Variants in GSN observed in about 807,000 individuals in gnomAD.
GSN encodes the protein gelsolin.
In GSN, 56 loss-of-function variants were observed where a neutral mutation model predicts 85.7. That is an observed-to-expected ratio of 0.65 (90% confidence interval 0.53 to 0.82). GSN has a LOEUF of 0.82. GSN is among the 40% of genes least tolerant of loss of function. The pLI, the probability that GSN is intolerant of heterozygous loss-of-function variation, is 0.00. For missense variants in GSN, 857 were observed against 979.8 expected, an observed-to-expected ratio of 0.87 and a Z score of 1.67; for synonymous variants, 373 against 399.1, an observed-to-expected ratio of 0.93 and a Z score of 0.78.
At chr9:121,286,112 G>A in intron 2 of GSN, 1 of 1,535,498 alleles carries the variant, frequency 6.5e-7, no homozygotes, top group Non-Finnish European at 8.7e-7. Flanking sequence ...CCTGTGTCAG[G>A]AGAGGCCCAC....
At chr9:121,256,391 A>T (rs2054960087) in intron 6 of GSN, among the ~76,000 whole-genome samples, 1 of 152,202 alleles carries the variant, frequency 6.6e-6, no homozygotes. Context: ...CATGGGTGGA[A>T]CTGAAAGTCA....
At position 121,329,026 on chromosome 9, in the gene GSN, G is replaced by A. The variant is rs147527479; in HGVS notation, c.1887+11G>A. The A allele has an allele frequency of 2.2e-5, 36 of 1,613,290 alleles. No individual in the cohort carries two copies. In the African/African-American group the frequency reaches 3.3e-4, roughly 15 times the overall value. ...ATTGGACGTTTTGTGGTGAGCCCCTGCGGAGGTCACACCTCTGCTTTCCCC... is the reference window on the plus strand; with the variant it reads ...ATTGGACGTTTTGTGGTGAGCCCCTACGGAGGTCACACCTCTGCTTTCCCC... On this transcript the variant is annotated intron_variant, in intron 15 of 17. Transcript: ENST00000432226. The surrounding 1 kb of genome is among the most constrained non-coding windows in gnomAD (Gnocchi z 4.6).
intron 2 of GSN, chr9:121,283,888 A>C (rs2057735257): frequency 6.0e-6 from 1 of 167,162 alleles, no homozygotes; most frequent in South Asian, 2.1e-4. Flanking sequence ...GGGAGTGGTG[A>C]GGTCTTATCT....
chr9:121,213,895 A>G (rs2054010509), intron 4 of GSN, among the ~76,000 whole-genome samples: 1 of 152,232 alleles, frequency 6.6e-6, no homozygotes, highest in Non-Finnish European at 1.5e-5. Context: ...GAATGAAAAG[A>G]TTAAAAGCCC....
chr9:121,315,950 G>T (rs776543490), intron 7 of GSN, among the ~76,000 whole-genome samples: 2 of 152,082 alleles, frequency 1.3e-5, no homozygotes, highest in Non-Finnish European at 2.9e-5. Flanking sequence ...GGATTAAAGG[G>T]GTTCTATAAT....
At chr9:121,276,318 C>T (rs901431226) in intron 1 of GSN, among the ~76,000 whole-genome samples, 3 of 152,220 alleles carry the variant, frequency 2.0e-5, no homozygotes, top group Non-Finnish European at 4.4e-5. Flanking sequence ...GAAGCCCTAG[C>T]CCCTCTCAAG....
At chr9:121,236,719 A>G (rs1029236779) in intron 5 of GSN, among the ~76,000 whole-genome samples, 1 of 152,224 alleles carries the variant, frequency 6.6e-6, no homozygotes, top group African/African-American at 2.4e-5. Context: ...ACTGCATAGA[A>G]GACAGCTCAG....
At chr9:121,313,608 A>T in intron 6 of GSN, 1 of 397,762 alleles carries the variant, frequency 2.5e-6, no homozygotes. Context: ...ATGCAGTGAC[A>T]TCTTTTAAAG....
intron 6 of GSN, among the ~76,000 whole-genome samples, chr9:121,249,922 A>G (rs1288352000): frequency 6.6e-6 from 1 of 152,186 alleles, no homozygotes; most frequent in Non-Finnish European, 1.5e-5. Flanking sequence ...AGAAGTAAAA[A>G]AGCTGGTTTT....
chr9:121,216,798 G>C (rs1438806856), intron 4 of GSN, among the ~76,000 whole-genome samples: 2 of 152,220 alleles, frequency 1.3e-5, no homozygotes, highest in African/African-American at 4.8e-5. Context: ...GTAACAAATA[G>C]TACAGGCTCA....
Position 121,317,134 on chromosome 9 carries a change from A to T in GSN, c.802A>T (p.Asn268Tyr). ...TMSVSLVADE[N>Y]PFAQGALKSE... ...GTCCGTCTCCCTCGTGGCTGATGAG[A>T]ACCCCTTCGCCCAGGGGGCCCTGAA... Residue 268 changes from asparagine (N) to tyrosine (Y), a missense_variant, in exon 8 of 18, where the codon AAC becomes TAC. Transcript: ENST00000432226. The T allele has an allele frequency of 6.2e-7, 1 of 1,614,160 alleles. No individual in the cohort carries two copies. Among genetic ancestry groups the T allele is most frequent in the South Asian group, 1.1e-5 (1 of 91,086 alleles).
chr9:121,251,267 C>T (rs375444989), intron 6 of GSN, among the ~76,000 whole-genome samples: 39 of 129,138 alleles, frequency 3.0e-4, no homozygotes, highest in African/African-American at 1.1e-3. Flanking sequence ...CTGCAACCTC[C>T]GTCTCCCGGG....
upstream of GSN, among the ~76,000 whole-genome samples, chr9:121,203,775 T>C (rs74686051): frequency 0.081 from 12,315 of 152,222 alleles, 1,172 homozygotes; most frequent in African/African-American, 0.22. Context: ...GTAATATCTC[T>C]CTCAAATAGG....
chr9:121,303,608 G>A (rs1025802296), intron 4 of GSN, among the ~76,000 whole-genome samples: 12 of 152,034 alleles, frequency 7.9e-5, no homozygotes, highest in Non-Finnish European at 1.6e-4. Context: ...CAAACTGGGA[G>A]CTCCAAGAGG....
chr9:121,223,969 T>C (rs1271214034), intron 4 of GSN, among the ~76,000 whole-genome samples: 2 of 151,992 alleles, frequency 1.3e-5, no homozygotes, highest in African/African-American at 4.8e-5. Flanking sequence ...TGAGATTTTT[T>C]TGTTTTTGTT....
rs751431867 is a variant in GSN at position 121,318,686 on chromosome 9, G to T, written c.997G>T (p.Gly333Cys). Residue 333 changes from glycine to cysteine, a missense_variant, in exon 10 of 18, where the codon GGT becomes TGT. Transcript: ENST00000432226. The surrounding 1 kb of genome is among the most constrained non-coding windows in gnomAD (Gnocchi z 4.3). ...CCAGGTCTCGGTCCTTCCTGAGGGC[G>T]GTGAGACCCCACTGTTCAAGCAGTT... ...QTQVSVLPEGGETPLFKQFFK... is the reference protein window; with the variant it reads ...QTQVSVLPEGCETPLFKQFFK... 1.9e-6 allele frequency: 3 copies of T among 1,613,166 alleles called. No individual in the cohort carries two copies. Among genetic ancestry groups the T allele is most frequent in the African/African-American group, 2.7e-5 (2 of 75,020 alleles).
chr9:121,282,351 C>G (rs2057491880), intron 2 of GSN: 1 of 621,784 alleles, frequency 1.6e-6, no homozygotes, highest in Non-Finnish European at 2.6e-6. Flanking sequence ...CTTCCAACAC[C>G]CAAACAGAAG....
rs181364184 is a variant in GSN at position 121,305,042 on chromosome 9, T to C, written c.351+1977T>C. Among the ~76,000 whole-genome samples the C allele has an allele frequency of 2.0e-5, 3 of 152,318 alleles. No homozygotes were observed. The East Asian group carries it at 5.8e-4, about 29-fold the overall frequency. On this transcript the variant is annotated intron_variant, in intron 4 of 17. Coordinates refer to ENST00000432226, the MANE Select transcript of GSN (RefSeq NM_198252.3). ...AATCTATCTTGTCCTAGTCACTGTT[T>C]CTTAGGGCATAACCTGACAGTCTAA...
At chr9:121,293,775 C>G (rs2058937411) in intron 2 of GSN, among the ~76,000 whole-genome samples, 3 of 151,270 alleles carry the variant, frequency 2.0e-5, no homozygotes, top group Non-Finnish European at 2.9e-5. Context: ...GAGATAGAAA[C>G]TTATCCAAGT....
Sources: allele counts gnomAD v4.1 joint callset (sites outside exome capture counted in the v4.1 genomes callset), GRCh38; gene constraint gnomAD v4.1.1; non-coding constraint Gnocchi (gnomAD v3.1); transcripts MANE v1.5; gene names NCBI Gene and HGNC (gene_info 2026-07-23, HGNC 2026-07-21).